SPAG1: variants seen among roughly 807,000 people sequenced by gnomAD.
The protein encoded by SPAG1 is sperm-associated antigen 1.
In SPAG1, 69 loss-of-function variants were observed where a neutral mutation model predicts 100.5. The observed-to-expected ratio is 0.69, with a 90% CI of 0.57 to 0.84. The LOEUF (loss-of-function observed/expected upper bound fraction) is 0.84. SPAG1 is among the 40% of genes least tolerant of loss of function. The pLI, the probability that SPAG1 is intolerant of heterozygous loss-of-function variation, is 0.00. For synonymous variants in SPAG1, 336 were observed against 411.6 expected, an observed-to-expected ratio of 0.82 and a Z score of 2.22; for missense variants, 955 against 1,133.1, an observed-to-expected ratio of 0.84 and a Z score of 2.26.
chr8:100,162,294 A>T lies in SPAG1; in HGVS notation c.14A>T (p.Asp5Val). 6.2e-7 allele frequency: 1 copy of T among 1,600,704 alleles called. No homozygotes were observed. Among genetic ancestry groups the T allele is most frequent in the Non-Finnish European group, 8.5e-7 (1 of 1,175,394 alleles). ...TGTATTTCAGCTATGACCACCAAAG[A>T]TTATCCATCATTGTGGGGCTTTGGA... MTTK[D>V]YPSLWGFGTT... Residue 5 changes from aspartate (D) to valine (V), a missense_variant, in exon 2 of 19, where the codon GAT becomes GTT. By Grantham distance (152) the Asp-to-Val change is radical. Transcript: ENST00000388798.
Position 100,191,411 on chromosome 8 carries a change from C to T in SPAG1, c.854C>T (p.Thr285Ile). Residue 285 changes from threonine to isoleucine, a missense_variant, in exon 9 of 19, where the codon ACA (threonine) becomes ATA (isoleucine). Physicochemically the swap from Thr to Ile is moderately conservative, Grantham distance 89 (BLOSUM62 -1). Transcript: ENST00000388798. ...NVKALLRRAT[T>I]YKHQNKLREA... ...TCAGCTCTTCTGCGTCGTGCTACTA[C>T]ATATAAACATCAAAACAAGCTCCGG... is the stretch of plus-strand genomic sequence containing the variant. 2 of 1,613,476 alleles carry T rather than the reference C, an allele frequency of 1.2e-6. No individual in the cohort carries two copies. The highest frequency in any genetic ancestry group is 1.7e-6 in the Non-Finnish European group (2 of 1,179,520).
intron 14 of SPAG1, among the ~76,000 whole-genome samples, chr8:100,228,479 G>A (rs1194369261): frequency 6.6e-6 from 1 of 151,848 alleles, no homozygotes; most frequent in African/African-American, 2.4e-5. Context: ...TTTGGAGGCT[G>A]AGGTGGGCAG....
intron 3 of SPAG1, among the ~76,000 whole-genome samples, chr8:100,167,454 G>A (rs1459046981): frequency 6.6e-6 from 1 of 152,326 alleles, no homozygotes; most frequent in Non-Finnish European, 1.5e-5. Context: ...GCATACTGTT[G>A]TAAGAGTTAT....
chr8:100,175,784 G>T (rs1816088885), intron 3 of SPAG1, among the ~76,000 whole-genome samples: 1 of 152,144 alleles, frequency 6.6e-6, no homozygotes, highest in Admixed American at 6.5e-5. Flanking sequence ...CCTGACTTCA[G>T]GAACAAAGCA....
At chr8:100,240,864 G>GTTTTTTT (rs57110081) in intron 18 of SPAG1, 27 bp from the exon 19 acceptor site, 135 of 1,389,030 alleles carry the variant, frequency 9.7e-5, no homozygotes, top group East Asian at 3.0e-4. Context: ...TTGGTTTTTT[G>GTTTTTTT]TTTTTTTTTT....
chr8:100,208,518 A>C (rs893700014), intron 10 of SPAG1, among the ~76,000 whole-genome samples: 5 of 152,250 alleles, frequency 3.3e-5, no homozygotes, highest in African/African-American at 1.2e-4. Flanking sequence ...GTGCTTGCTG[A>C]AGGCAAAGGG....
intron 10 of SPAG1, among the ~76,000 whole-genome samples, chr8:100,207,813 A>G (rs1249040366): frequency 6.6e-6 from 1 of 152,182 alleles, no homozygotes; most frequent in African/African-American, 2.4e-5. Flanking sequence ...CATGGAATTC[A>G]CTGGTCTTAC....
intron 14 of SPAG1, among the ~76,000 whole-genome samples, chr8:100,226,702 C>CA (rs35445808): frequency 3.0e-4 from 42 of 141,130 alleles, no homozygotes; most frequent in African/African-American, 3.9e-4. Flanking sequence ...GATGCTGTCT[C>CA]AAAAAAAAAA....
intron 10 of SPAG1, among the ~76,000 whole-genome samples, chr8:100,203,560 G>A (rs1817379794): frequency 6.6e-6 from 1 of 152,140 alleles, no homozygotes; most frequent in Non-Finnish European, 1.5e-5. Context: ...TGTTTAGAGA[G>A]TTATGCAAAA....
intron 10 of SPAG1, among the ~76,000 whole-genome samples, chr8:100,210,695 A>AT (rs1181308664): frequency 6.6e-6 from 1 of 151,696 alleles, no homozygotes; most frequent in Non-Finnish European, 1.5e-5. Flanking sequence ...TTTTATTTTT[A>AT]TTTTTTGTAG....
intron 8 of SPAG1, 112 bp from the exon 9 acceptor site, chr8:100,191,278 G>C: frequency 1.5e-6 from 1 of 662,376 alleles, no homozygotes; most frequent in East Asian, 2.7e-5. Flanking sequence ...TGAGCTTTGG[G>C]TAATTACATC....
intron 2 of SPAG1, among the ~76,000 whole-genome samples, chr8:100,164,845 C>CAGATGCT (rs1292328795): frequency 6.6e-6 from 1 of 152,164 alleles, no homozygotes; most frequent in African/African-American, 2.4e-5. Context: ...AGCAAATTAC[C>CAGATGCT]ATCCATGATC....
intron 12 of SPAG1, among the ~76,000 whole-genome samples, chr8:100,215,714 C>T (rs563294422): frequency 3.3e-5 from 5 of 152,202 alleles, no homozygotes; most frequent in East Asian, 1.9e-4. Context: ...TTAGTAGAGA[C>T]GGGGTTTCAC....
chr8:100,181,346 T>C (rs1277470290), intron 4 of SPAG1, among the ~76,000 whole-genome samples: 2 of 152,220 alleles, frequency 1.3e-5, no homozygotes, highest in African/African-American at 4.8e-5. Flanking sequence ...TGTCCATTTC[T>C]TGATCCCTAA....
At chr8:100,220,117 C>T (rs1818193727) in intron 12 of SPAG1, among the ~76,000 whole-genome samples, 162 bp from the exon 13 acceptor site, 1 of 152,212 alleles carries the variant, frequency 6.6e-6, no homozygotes, top group Admixed American at 6.5e-5. Flanking sequence ...TGATTGCTTT[C>T]TTACTCTGGG....
At chr8:100,224,750 C>T (rs986216120) in intron 13 of SPAG1, among the ~76,000 whole-genome samples, 4 of 152,118 alleles carry the variant, frequency 2.6e-5, no homozygotes, top group Non-Finnish European at 5.9e-5. Context: ...TCATAATGTA[C>T]AGTTTGGGCA....
At chr8:100,208,185 A>T (rs1009629719) in intron 10 of SPAG1, among the ~76,000 whole-genome samples, 1 of 152,192 alleles carries the variant, frequency 6.6e-6, no homozygotes, top group Non-Finnish European at 1.5e-5. Flanking sequence ...ATCCTGTTAA[A>T]CTGGAAGTTA....
intron 12 of SPAG1, among the ~76,000 whole-genome samples, chr8:100,217,428 G>A (rs956049519): frequency 1.3e-5 from 2 of 152,142 alleles, no homozygotes; most frequent in African/African-American, 4.8e-5. Flanking sequence ...CCAGGGGTGT[G>A]TTTGGAGAGT....
intron 14 of SPAG1, among the ~76,000 whole-genome samples, chr8:100,228,378 C>G (rs1172330520): frequency 6.8e-6 from 1 of 146,368 alleles, no homozygotes; most frequent in Non-Finnish European, 1.5e-5. Context: ...CCAAGACCAG[C>G]CTGTGAAACA....
Sources: allele counts gnomAD v4.1 joint callset (sites outside exome capture counted in the v4.1 genomes callset), GRCh38; gene constraint gnomAD v4.1.1; transcripts MANE v1.5; gene names NCBI Gene and HGNC (gene_info 2026-07-23, HGNC 2026-07-21).